PLAC1: variants seen among roughly 807,000 people sequenced by gnomAD.
PLAC1 encodes placenta associated 1.
For synonymous variants in PLAC1, 68 were observed against 62.1 expected, an observed-to-expected ratio of 1.09 and a Z score of -0.44; for missense variants, 136 against 163.2, an observed-to-expected ratio of 0.83 and a Z score of 0.91.
chrX:134,673,770 C>G (rs2078464082), intron 2 of PLAC1, among the ~76,000 whole-genome samples: 1 of 111,869 alleles, frequency 8.9e-6, no homozygotes, highest in Non-Finnish European at 1.9e-5. Context: ...GCTGGCCTTG[C>G]TTTCCAACAT....
intron 2 of PLAC1, among the ~76,000 whole-genome samples, chrX:134,676,661 G>A (rs2078476447): frequency 8.9e-6 from 1 of 112,393 alleles, no homozygotes; most frequent in South Asian, 3.7e-4. Context: ...TGGACAGAAT[G>A]GAATGCTCAT....
chrX:134,749,821 T>C (rs142235690), intron 1 of PLAC1, among the ~76,000 whole-genome samples: 1,106 of 110,341 alleles, frequency 0.01, 18 homozygotes, highest in African/African-American at 0.035. Context: ...CTGGAAAGAG[T>C]GTTAGTTAAA....
intron 2 of PLAC1, among the ~76,000 whole-genome samples, chrX:134,570,160 C>T (rs1158324548): frequency 1.8e-5 from 2 of 111,697 alleles, no homozygotes; most frequent in African/African-American, 6.5e-5. Flanking sequence ...ATAAGTCATT[C>T]ACAACACAGT....
rs200498313 is a variant in PLAC1, at chrX:134,685,449, CTTTTTTTTTT to C, written n.174+47976_174+47985del. 0.018 allele frequency among the ~76,000 whole-genome samples: 887 copies of C among 49,221 alleles called. 50 individuals are homozygous for C. In the East Asian group the frequency reaches 0.27, roughly 15 times the overall value. The allele number at this position is 49,221 out of a possible 115,157, so 42.7% of individuals were successfully genotyped here. ...CAGCAGGCTGGACAAAATGGCGTCCCTTTTTTTTTTTTTTTTTTTTTTTTTGGTTAGTACT... is the reference window on the plus strand; with the variant it reads ...CAGCAGGCTGGACAAAATGGCGTCCCTTTTTTTTTTTTTTTGGTTAGTACT... On this transcript the variant is annotated intron_variant and non_coding_transcript_variant, in intron 2 of 2. Transcript: ENST00000466797.
upstream of PLAC1, among the ~76,000 whole-genome samples, chrX:134,659,458 T>C (rs978494429): frequency 1.8e-5 from 2 of 111,152 alleles, no homozygotes; most frequent in Non-Finnish European, 3.8e-5. Flanking sequence ...AGGGTTTGAA[T>C]GGCAGGGTGG....
At chrX:134,667,981 C>T (rs1293620871) in intron 2 of PLAC1, among the ~76,000 whole-genome samples, 1 of 110,860 alleles carries the variant, frequency 9.0e-6, no homozygotes, top group Non-Finnish European at 1.9e-5. Context: ...AATTCCACTC[C>T]TAGGTACATA....
chrX:134,628,569 G>A (rs984097117), intron 1 of PLAC1, among the ~76,000 whole-genome samples: 1 of 111,871 alleles, frequency 8.9e-6, no homozygotes, highest in Non-Finnish European at 1.9e-5. Context: ...TTTGGATTGG[G>A]TGACTGTTTT....
At chrX:134,659,352 C>T (rs1220376832), upstream of PLAC1, among the ~76,000 whole-genome samples, 6 of 111,702 alleles carry the variant, frequency 5.4e-5, no homozygotes, top group Non-Finnish European at 9.4e-5. Flanking sequence ...CAAAAATAAA[C>T]ATATTCTAGT....
intron 2 of PLAC1, among the ~76,000 whole-genome samples, chrX:134,702,680 C>T (rs758648015): frequency 1.8e-5 from 2 of 111,712 alleles, no homozygotes; most frequent in Admixed American, 9.5e-5. Flanking sequence ...TCATTTGTAT[C>T]CCAAACCTCA....
intron 1 of PLAC1, among the ~76,000 whole-genome samples, chrX:134,733,864 G>C (rs967030493): frequency 2.7e-5 from 3 of 110,450 alleles, no homozygotes; most frequent in Admixed American, 1.9e-4. Flanking sequence ...GTTGGCATGA[G>C]AGCGTTCACT....
intron 1 of PLAC1, among the ~76,000 whole-genome samples, chrX:134,742,521 G>T (rs2078719483): frequency 9.0e-6 from 1 of 111,327 alleles, no homozygotes; most frequent in African/African-American, 3.3e-5. Flanking sequence ...CCAGGAGGCG[G>T]AGGTTGCAGT....
intron 1 of PLAC1, among the ~76,000 whole-genome samples, chrX:134,644,829 T>C (rs1429592077): frequency 1.8e-5 from 2 of 111,719 alleles, no homozygotes; most frequent in South Asian, 7.6e-4. Flanking sequence ...TGTTTTCTAT[T>C]CTCACTCTCA....
chrX:134,762,150 G>A (rs764397905), intron 1 of PLAC1, among the ~76,000 whole-genome samples: 2 of 106,000 alleles, frequency 1.9e-5, no homozygotes, highest in South Asian at 8.8e-4. Flanking sequence ...GGGAACCTAA[G>A]CAAACATCAG....
intron 1 of PLAC1, among the ~76,000 whole-genome samples, chrX:134,654,500 T>C (rs1166599956): frequency 9.1e-6 from 1 of 109,957 alleles, no homozygotes; most frequent in African/African-American, 3.3e-5. Context: ...GAATGAGACA[T>C]AACTGTACTG....
intron 1 of PLAC1, among the ~76,000 whole-genome samples, chrX:134,758,080 A>G (rs1229534824): frequency 9.0e-6 from 1 of 111,160 alleles, no homozygotes; most frequent in Non-Finnish European, 1.9e-5. Flanking sequence ...ATATGTAGGA[A>G]TAACTTCAAA....
intron 2 of PLAC1, among the ~76,000 whole-genome samples, chrX:134,720,637 C>T (rs750829141): frequency 8.2e-4 from 91 of 111,525 alleles, no homozygotes; most frequent in African/African-American, 2.9e-3. Flanking sequence ...ACAACAAACA[C>T]GCAAGTGACA....
chrX:134,740,343 A>T (rs1404440871), intron 1 of PLAC1, among the ~76,000 whole-genome samples: 7 of 109,985 alleles, frequency 6.4e-5, no homozygotes, highest in Non-Finnish European at 9.5e-5. Context: ...AAACTAATTC[A>T]ATAGAATACT....
intron 1 of PLAC1, among the ~76,000 whole-genome samples, chrX:134,743,336 C>T (rs993640413): frequency 2.2e-4 from 25 of 112,013 alleles, no homozygotes; most frequent in Non-Finnish European, 3.9e-4. Context: ...TGGGGAAAGA[C>T]TGAACATGAG....
At chrX:134,590,861 C>G (rs192200048) in intron 2 of PLAC1, among the ~76,000 whole-genome samples, 115 of 102,775 alleles carry the variant, frequency 1.1e-3, no homozygotes, top group African/African-American at 3.8e-3. Flanking sequence ...CCCTCCCCCC[C>G]CACCCCACCC....
Sources: gnomAD v4.1 joint callset for allele counts (sites outside exome capture counted in the v4.1 genomes callset) on GRCh38, gnomAD v4.1.1 for gene constraint, MANE v1.5 for transcripts, NCBI Gene and HGNC (gene_info 2026-07-23, HGNC 2026-07-21) for gene names.